DGLUCY: variants seen among roughly 807,000 people sequenced by gnomAD.
The protein encoded by DGLUCY is D-glutamate cyclase, also known as D-glutamate cyclase, mitochondrial.
A neutral mutation model predicts 58.5 loss-of-function variants in DGLUCY; 58 were observed. The observed-to-expected ratio is 0.99, with a 90% CI of 0.80 to 1.23. The LOEUF (loss-of-function observed/expected upper bound fraction) is 1.23. Ranked by LOEUF, DGLUCY falls within the 50% of genes most tolerant of loss-of-function variation. DGLUCY has a pLI of 0.00. For missense variants in DGLUCY, 779 were observed against 784.7 expected (o/e 0.99, Z 0.09); for synonymous variants, 325 against 314.1 (o/e 1.03, Z -0.37).
At chr14:91,139,137 C>A (rs2046507638) in intron 1 of DGLUCY, among the ~76,000 whole-genome samples, 1 of 152,126 alleles carries the variant, frequency 6.6e-6, no homozygotes, top group Non-Finnish European at 1.5e-5. Flanking sequence ...GAGATAAGGA[C>A]TAAATTCCAG....
intron 1 of DGLUCY, among the ~76,000 whole-genome samples, chr14:91,098,725 G>C (rs1278070090): frequency 1.3e-5 from 2 of 152,146 alleles, no homozygotes; most frequent in Non-Finnish European, 2.9e-5. Flanking sequence ...TTAGAAGGCA[G>C]ACTCGATACT....
In DGLUCY at chr14:91,178,134, A is replaced by T. The variant is rs188456858; in HGVS notation, c.730+2078A>T. Among the ~76,000 whole-genome samples, 490 of 152,024 alleles carry T rather than the reference A, an allele frequency of 3.2e-3. 4 individuals carry two copies. Among genetic ancestry groups the T allele is most frequent in the African/African-American group, 0.011 (437 of 41,486 alleles). ...TTGATCGTAGATGAGAACAAATGAC[A>T]TCAGAGAGGGACAATCTTGAATCAT... On this transcript the variant is annotated intron_variant, in intron 7 of 13. Coordinates refer to ENST00000256324, the MANE Select transcript of DGLUCY (RefSeq NM_001102368.3).
At chr14:91,138,203 A>G (rs1318955975) in intron 1 of DGLUCY, among the ~76,000 whole-genome samples, 1 of 152,112 alleles carries the variant, frequency 6.6e-6, no homozygotes, top group Non-Finnish European at 1.5e-5. Flanking sequence ...GCTATAAAGA[A>G]ATACGCAGCT....
chr14:91,082,742 C>T (rs1057074966), intron 1 of DGLUCY, among the ~76,000 whole-genome samples: 1 of 151,988 alleles, frequency 6.6e-6, no homozygotes. Context: ...ATGTAGGTTG[C>T]ACATCTTTTT....
In DGLUCY at chr14:91,068,008, G is replaced by A. The variant is rs1034865411; in HGVS notation, c.-82+7304G>A. ...GAAGACACCCACCACTGCTGAAGTT[G>A]ACATGTCACCACAGTTACAAAGTGA... On this transcript the variant is annotated intron_variant, in intron 1 of 4. Coordinates refer to the DGLUCY transcript ENST00000521334. Among the ~76,000 whole-genome samples the A allele has an allele frequency of 2.6e-5, 4 of 151,848 alleles. No individual in the cohort carries two copies. In the South Asian group the frequency reaches 8.3e-4, roughly 31 times the overall value.
At chr14:91,142,645 G>T (rs1351520136) in intron 1 of DGLUCY, among the ~76,000 whole-genome samples, 1 of 151,940 alleles carries the variant, frequency 6.6e-6, no homozygotes, top group African/African-American at 2.4e-5. Context: ...AACATGTACT[G>T]GTTATTTGGT....
intron 3 of DGLUCY, among the ~76,000 whole-genome samples, chr14:91,162,285 C>T (rs934729662): frequency 7.2e-5 from 11 of 152,080 alleles, no homozygotes; most frequent in African/African-American, 2.7e-4. Context: ...TTTTTCCTCT[C>T]TCTTGTCATT....
chr14:91,225,099 C>G lies in DGLUCY; in HGVS notation c.*266C>G. 1 of 304,632 alleles carries G rather than the reference C, an allele frequency of 3.3e-6. No individual in the cohort carries two copies. The highest frequency in any genetic ancestry group is 6.0e-6 in the Non-Finnish European group (1 of 166,716). The allele number at this position is 304,632 out of a possible 1,614,324, so 18.9% of individuals were successfully genotyped here. A position where few individuals can be genotyped will look rare whatever the true frequency, so the allele number is the denominator to read the frequency against. The stretch of plus-strand genomic sequence containing the variant: ...TGATTTCAACCCTCCTTCACTCTGG[C>G]TTCTTCAGGCAACCCACGTGGTCTC... On this transcript the variant is annotated 3_prime_UTR_variant, in exon 14 of 14. Transcript: ENST00000256324.
intron 1 of DGLUCY, among the ~76,000 whole-genome samples, chr14:91,136,917 C>T (rs1461791895): frequency 2.0e-5 from 3 of 151,540 alleles, no homozygotes; most frequent in African/African-American, 7.3e-5. Context: ...TGCGGTGAGC[C>T]GATATTGTGC....
intron 12 of DGLUCY, among the ~76,000 whole-genome samples, chr14:91,213,787 C>T (rs1056065084): frequency 7.9e-5 from 12 of 152,060 alleles, no homozygotes; most frequent in African/African-American, 2.9e-4. Context: ...GCAACCTCCA[C>T]CTCCCGGGTT....
At chr14:91,158,889 G>GC (rs1384287373) in intron 2 of DGLUCY, 2 of 150,940 alleles carry the variant, frequency 1.3e-5, no homozygotes, top group African/African-American at 4.9e-5. Flanking sequence ...GAGTGCAGTG[G>GC]CGTGATCTTG....
At chr14:91,126,066 T>C (rs751149616) in intron 1 of DGLUCY, among the ~76,000 whole-genome samples, 1 of 152,196 alleles carries the variant, frequency 6.6e-6, no homozygotes, top group Non-Finnish European at 1.5e-5. Context: ...TCTGAGATAG[T>C]GACTGACAGC....
At chr14:91,106,111 C>T (rs942753934), upstream of DGLUCY, among the ~76,000 whole-genome samples, 15 of 152,038 alleles carry the variant, frequency 9.9e-5, no homozygotes, top group Non-Finnish European at 1.9e-4. Context: ...AGTTTGAGAC[C>T]AGCCTGGCCA....
intron 1 of DGLUCY, among the ~76,000 whole-genome samples, chr14:91,071,729 G>A (rs951747637): frequency 2.6e-5 from 4 of 151,982 alleles, no homozygotes; most frequent in Admixed American, 6.6e-5. Context: ...TTAGTTGGGC[G>A]TGGTGGTGGG....
intron 1 of DGLUCY, among the ~76,000 whole-genome samples, chr14:91,074,689 T>C (rs1047884972): frequency 4.6e-5 from 7 of 152,160 alleles, no homozygotes; most frequent in Admixed American, 2.6e-4. Flanking sequence ...CAAAAGTAAT[T>C]GTCATTTTTG....
chr14:91,167,869 G>A, intron 4 of DGLUCY: 1 of 597,280 alleles, frequency 1.7e-6, no homozygotes. Flanking sequence ...ATCTTCCCTG[G>A]CCTAGCCCTA....
intron 1 of DGLUCY, among the ~76,000 whole-genome samples, chr14:91,086,088 T>C (rs1379086133): frequency 6.6e-6 from 1 of 152,166 alleles, no homozygotes; most frequent in Non-Finnish European, 1.5e-5. Flanking sequence ...GAACTGCGCA[T>C]GTGAGGGATC....
At chr14:91,143,994 A>G (rs1373314958) in intron 1 of DGLUCY, among the ~76,000 whole-genome samples, 1 of 152,170 alleles carries the variant, frequency 6.6e-6, no homozygotes, top group Non-Finnish European at 1.5e-5. Flanking sequence ...CGCTCTCTGC[A>G]TTAGTTCCTC....
chr14:91,079,439 C>A (rs969561164), intron 1 of DGLUCY, among the ~76,000 whole-genome samples: 1 of 151,606 alleles, frequency 6.6e-6, no homozygotes, highest in Admixed American at 6.6e-5. Flanking sequence ...CTGCAACCTC[C>A]GCCTCCCAGG....
Sources: gnomAD v4.1 joint callset for allele counts (sites outside exome capture counted in the v4.1 genomes callset) on GRCh38, gnomAD v4.1.1 for gene constraint, MANE v1.5 for transcripts, NCBI Gene and HGNC (gene_info 2026-07-23, HGNC 2026-07-21) for gene names.